Variants in DAP3 observed in about 807,000 individuals in gnomAD.
DAP3 encodes death associated protein 3.
A neutral mutation model predicts 51.9 loss-of-function variants in DAP3; 28 were observed. That is an observed-to-expected ratio of 0.54 (90% CI 0.40 to 0.74). The LOEUF (loss-of-function observed/expected upper bound fraction) is 0.74, where lower values mean the gene tolerates loss of function less well. Ranked by LOEUF, DAP3 falls within the 30% of genes least tolerant of loss-of-function variation. The pLI is 0.00. For missense variants in DAP3, 458 were observed against 483.5 expected (o/e 0.95, Z 0.49); for synonymous variants, 170 against 170.3 (o/e 1.00, Z 0.01).
chr1:155,689,061 G>C, upstream of DAP3: 1 of 1,526,498 alleles, frequency 6.6e-7, no homozygotes, highest in Non-Finnish European at 8.8e-7. Context: ...GCGTTGAGTC[G>C]TTTCCTGCCG....
chr1:155,704,796 A>G (rs1011212530), intron 1 of DAP3, among the ~76,000 whole-genome samples: 4 of 152,074 alleles, frequency 2.6e-5, no homozygotes, highest in African/African-American at 9.7e-5. Flanking sequence ...CCTAGCCAAC[A>G]TGGCGAAACC....
chr1:155,725,847 A>G, intron 5 of DAP3, 80 bp from the exon 6 acceptor site: 1 of 1,425,088 alleles, frequency 7.0e-7, no homozygotes, highest in Non-Finnish European at 9.7e-7. Context: ...CCCATCTCAA[A>G]AAAACAAAAC....
chr1:155,688,971 C>G, upstream of DAP3: 1 of 1,609,300 alleles, frequency 6.2e-7, no homozygotes. Flanking sequence ...TCGCCTCCTC[C>G]TCCATGGGAC....
At chr1:155,723,890 T>C (rs916038898) in intron 4 of DAP3, among the ~76,000 whole-genome samples, 3 of 152,144 alleles carry the variant, frequency 2.0e-5, no homozygotes, top group Admixed American at 1.3e-4. Flanking sequence ...AATACAAAAA[T>C]TAGCTGGGCG....
Position 155,738,250 on chromosome 1 carries a change from T to TC in DAP3, c.*9dup. Reference sequence around the variant, plus strand: ...CACTGTGCCTACCTCTAAGCCAAGATCACAGCATGTGAGGAAGACAGTGGA... The same window carrying TC: ...CACTGTGCCTACCTCTAAGCCAAGATCCACAGCATGTGAGGAAGACAGTGGA... On this transcript the variant is annotated 3_prime_UTR_variant, in exon 13 of 13. Coordinates refer to ENST00000368336, the MANE Select transcript of DAP3 (RefSeq NM_004632.4). 1 of 1,614,104 alleles carries TC rather than the reference T, an allele frequency of 6.2e-7. No homozygotes were observed.
In DAP3 at chr1:155,709,841, C is replaced by T. The variant is rs1224713565; in HGVS notation, c.45+17C>T. On this transcript the variant is annotated intron_variant, in intron 2 of 12. Transcript: ENST00000368336. The stretch of plus-strand genomic sequence containing the variant: ...ATCCATAAGGTGAGTCCTGACTGAC[C>T]TGAACACTCTGTGCATACTGCCTTT... The T allele has an allele frequency of 9.9e-6, 16 of 1,612,014 alleles. No homozygotes were observed. The highest frequency in any genetic ancestry group is 1.3e-5 in the Non-Finnish European group (15 of 1,178,772).
intron 2 of DAP3, among the ~76,000 whole-genome samples, chr1:155,714,941 G>A (rs911234894): frequency 5.3e-5 from 8 of 151,308 alleles, no homozygotes; most frequent in African/African-American, 1.7e-4. Context: ...GGTGGCTCAC[G>A]CCTGTAATCC....
At chr1:155,736,598 G>A (rs917384599) in intron 11 of DAP3, 1 of 265,590 alleles carries the variant, frequency 3.8e-6, no homozygotes, top group Non-Finnish European at 7.3e-6. Flanking sequence ...TGTATTTTCT[G>A]TCGAGACAGG....
intron 1 of DAP3, among the ~76,000 whole-genome samples, chr1:155,708,550 T>G (rs1324363691): frequency 6.9e-6 from 1 of 145,906 alleles, no homozygotes; most frequent in African/African-American, 2.5e-5. Context: ...GTTTTTTTTT[T>G]TTTTTTTTTG....
chr1:155,702,108 TA>T (rs58504391), intron 1 of DAP3, among the ~76,000 whole-genome samples: 107 of 89,020 alleles, frequency 1.2e-3, no homozygotes, highest in Middle Eastern at 7.0e-3. Flanking sequence ...ATCATGCCTG[TA>T]AAAAAAAAAA....
upstream of DAP3, chr1:155,688,744 A>G (rs1208930292): frequency 1.3e-6 from 2 of 1,489,244 alleles, no homozygotes; most frequent in Non-Finnish European, 8.9e-7. Flanking sequence ...AACCGCCGCC[A>G]AAGCAGCCGC....
chr1:155,718,711 GA>G (rs1657630786), intron 3 of DAP3, among the ~76,000 whole-genome samples: 1 of 102,520 alleles, frequency 9.8e-6, no homozygotes, highest in Non-Finnish European at 2.4e-5. Flanking sequence ...AAGAAAGATA[GA>G]TAGATAGATA....
chr1:155,709,873 C>A, intron 2 of DAP3, 49 bp downstream of exon 2: 1 of 1,565,484 alleles, frequency 6.4e-7, no homozygotes, highest in South Asian at 1.2e-5. Flanking sequence ...CTTTAGGTTC[C>A]CAGATTCTTG....
At chr1:155,713,385 A>G (rs1656942830) in intron 2 of DAP3, among the ~76,000 whole-genome samples, 1 of 152,234 alleles carries the variant, frequency 6.6e-6, no homozygotes, top group Non-Finnish European at 1.5e-5. Flanking sequence ...GAGCAACTCT[A>G]GTACTTGACA....
At chr1:155,689,522 T>G (rs1372009823) in intron 1 of DAP3, 2 of 421,000 alleles carry the variant, frequency 4.8e-6, no homozygotes, top group Non-Finnish European at 9.6e-6. Context: ...GGACTCAGTT[T>G]CCCTTGTCTT....
At chr1:155,727,886 C>T in intron 7 of DAP3, 148 bp downstream of exon 7, 3 of 973,672 alleles carry the variant, frequency 3.1e-6, no homozygotes, top group Non-Finnish European at 4.2e-6. Context: ...TCACAGTGGA[C>T]TCATAACTTG....
rs1553314748 is a variant in DAP3 at position 155,702,167 on chromosome 1, A to AG, written c.-7-7606_-7-7605insG. Among the ~76,000 whole-genome samples, 723 of 148,774 alleles carry AG rather than the reference A, an allele frequency of 4.9e-3. 8 individuals carry two copies. The highest frequency in any genetic ancestry group is 0.017 in the African/African-American group (658 of 39,366). ...TTCTGCCTATAAAAAAAAAAAAAAA[A>AG]AAAGAAAATTAGAAAACTTGGGCCA... On this transcript the variant is annotated intron_variant, in intron 1 of 12. Coordinates refer to ENST00000368336, the MANE Select transcript of DAP3 (RefSeq NM_004632.4).
intron 1 of DAP3, among the ~76,000 whole-genome samples, chr1:155,693,611 G>A (rs1385694613): frequency 7.0e-6 from 1 of 141,994 alleles, no homozygotes; most frequent in Non-Finnish European, 1.5e-5. Context: ...GTCCCCTTAG[G>A]GGACCAATCA....
chr1:155,735,669 A>C (rs1659703984), intron 11 of DAP3, among the ~76,000 whole-genome samples: 1 of 148,856 alleles, frequency 6.7e-6, no homozygotes, highest in Non-Finnish European at 1.5e-5. Context: ...CATTATTTTT[A>C]TTTTTTATTT....
Sources: allele counts gnomAD v4.1 joint callset (sites outside exome capture counted in the v4.1 genomes callset), GRCh38; gene constraint gnomAD v4.1.1; transcripts MANE v1.5; gene names NCBI Gene and HGNC (gene_info 2026-07-23, HGNC 2026-07-21).